TPP1: variants seen among roughly 807,000 people sequenced by gnomAD.
TPP1 encodes tripeptidyl peptidase 1, also known as tripeptidyl-peptidase 1.
In TPP1, 43 loss-of-function variants were observed where a neutral mutation model predicts 67.6. The observed-to-expected ratio is 0.64, with a 90% confidence interval of 0.50 to 0.82. The LOEUF is 0.82. Among genes scored for constraint, TPP1 ranks in the 40% least tolerant of loss-of-function variants. The pLI, the probability that TPP1 is intolerant of heterozygous loss-of-function variation, is 0.00. For missense variants in TPP1, 671 were observed against 710.9 expected (o/e 0.94, Z 0.64); for synonymous variants, 272 against 281.5 (o/e 0.97, Z 0.34).
Position 6,617,628 on chromosome 11 carries a change from G to C in TPP1, c.378C>G (p.Ile126Met), listed in dbSNP as rs778429963. The C allele has an allele frequency of 9.9e-6, 16 of 1,614,058 alleles. No homozygotes were observed. Among genetic ancestry groups the C allele is most frequent in the Non-Finnish European group, 1.4e-5 (16 of 1,179,988 alleles). The change falls in exon 4 of 13, where the codon ATC becomes ATG. Residue 126 changes from isoleucine (I) to methionine (M), a missense_variant and splice_region_variant. By Grantham distance (10) the Ile-to-Met change is conservative (BLOSUM62 1). Coordinates refer to ENST00000299427, the MANE Select transcript of TPP1 (RefSeq NM_000391.4). Reference sequence around the variant, plus strand: ...ATGGAGCAATCATTTCCTCTCACCGGATGCTCAGCCAGCAAGTCAGAAAGT... The same window carrying C: ...ATGGAGCAATCATTTCCTCTCACCGCATGCTCAGCCAGCAAGTCAGAAAGT... ...TQDFLTCWLSIRQAELLLPGA... is the reference protein window; with the variant it reads ...TQDFLTCWLSMRQAELLLPGA...
At chr11:6,616,572 C>T in intron 7 of TPP1, 69 bp from the exon 8 acceptor site, 1 of 1,601,756 alleles carries the variant, frequency 6.2e-7, no homozygotes, top group Non-Finnish European at 8.5e-7. Context: ...GTCAGGATCT[C>T]TCTCCAGCTT....
Position 6,614,679 on chromosome 11 carries a change from C to T in TPP1, c.1559G>A (p.Arg520His), listed in dbSNP as rs368697480. The T allele has an allele frequency of 3.0e-5, 49 of 1,613,998 alleles. No homozygotes were observed. Among genetic ancestry groups the T allele is most frequent in the Middle Eastern group, 1.6e-4 (1 of 6,084 alleles). The part of the protein sequence containing the change: ...QHGAGLFDVT[R>H]GCHESCLDEE... ...ATCCAGACAGGACTCATGGCAGCCACGGGTTACCTAGGGAGGAGGCTGGCA... is the reference window on the plus strand; with the variant it reads ...ATCCAGACAGGACTCATGGCAGCCATGGGTTACCTAGGGAGGAGGCTGGCA... The change falls in exon 13 of 13, where the codon CGT (arginine) becomes CAT (histidine). Residue 520 changes from arginine (R) to histidine (H), a missense_variant. By Grantham distance (29) the Arg-to-His change is conservative. Transcript: ENST00000299427.
intron 12 of TPP1, 37 bp downstream of exon 12, chr11:6,614,829 G>A (rs767087274): frequency 5.2e-5 from 84 of 1,613,780 alleles, no homozygotes; most frequent in Non-Finnish European, 6.9e-5. Flanking sequence ...CCCCATAGTT[G>A]TTTGAAAACG....
In TPP1 at chr11:6,617,172, C is replaced by T; in HGVS notation, c.509-19G>A. 6.2e-7 allele frequency: 1 copy of T among 1,614,000 alleles called. No individual in the cohort carries two copies. Among genetic ancestry groups the T allele is most frequent in the Non-Finnish European group, 8.5e-7 (1 of 1,179,972 alleles). The stretch of plus-strand genomic sequence containing the variant: ...CCCCCCACTGTAGGGAGAAGTCAGG[C>T]TTGAGGAGATCTTATAGACTGTAAT... On this transcript the variant is annotated intron_variant, in intron 5 of 12. Transcript: ENST00000299427.
At position 6,616,410 on chromosome 11, in the gene TPP1, T is replaced by C; in HGVS notation, c.980A>G (p.Asp327Gly). The change falls in exon 8 of 13, where the codon GAT becomes GGT. Residue 327 changes from aspartate to glycine, a missense_variant. Physicochemically the swap from Asp to Gly is moderately conservative, Grantham distance 94. Transcript: ENST00000299427. ...LPHVHTVSYG[D>G]DEDSLSSAYI... is the part of the protein sequence containing the mutation. ...GGCGCTGCTGAGGGAGTCCTCATCATCTCCATAGCTCACAGTATGCACATG... is the reference window on the plus strand; with the variant it reads ...GGCGCTGCTGAGGGAGTCCTCATCACCTCCATAGCTCACAGTATGCACATG... 1 of 1,613,792 alleles carries C rather than the reference T, an allele frequency of 6.2e-7. No individual in the cohort carries two copies. The highest frequency in any genetic ancestry group is 8.5e-7 in the Non-Finnish European group (1 of 1,179,956).
chr11:6,615,584 T>G (rs1264759342), intron 9 of TPP1, 22 bp from the exon 10 acceptor site: 1 of 1,613,894 alleles, frequency 6.2e-7, no homozygotes, highest in South Asian at 1.1e-5. Flanking sequence ...AGACAGCATT[T>G]GGATAGTAGG....
chr11:6,615,990 G>C lies in TPP1; in HGVS notation c.1145+15C>G. ...AGGTGGTGGTTATACCTGAGTGGTA[G>C]GCTAGAGTACTTACCTGGAGGCAGG... On this transcript the variant is annotated intron_variant, in intron 9 of 12. Coordinates refer to ENST00000299427, the MANE Select transcript of TPP1 (RefSeq NM_000391.4). 1 of 1,613,986 alleles carries C rather than the reference G, an allele frequency of 6.2e-7. No individual in the cohort carries two copies.
intron 3 of TPP1, 138 bp downstream of exon 3, chr11:6,618,638 A>G (rs1855620719): frequency 8.2e-7 from 1 of 1,225,374 alleles, no homozygotes; most frequent in Non-Finnish European, 1.2e-6. Flanking sequence ...TGTATACTGA[A>G]CCACATCCCC....
intron 9 of TPP1, 41 bp from the exon 10 acceptor site, chr11:6,615,603 G>T: frequency 6.2e-7 from 1 of 1,613,398 alleles, no homozygotes; most frequent in South Asian, 1.1e-5. Flanking sequence ...GGGGACCCAA[G>T]GGGACCTCCA....
chr11:6,618,863 T>G lies in TPP1; in HGVS notation c.142A>C (p.Ser48Arg), dbSNP rs201847207. 23 of 1,614,042 alleles carry G rather than the reference T, an allele frequency of 1.4e-5. No homozygotes were observed. Among genetic ancestry groups the G allele is most frequent in the Middle Eastern group, 1.6e-4 (1 of 6,062 alleles). Residue 48 changes from serine to arginine, a missense_variant, in exon 3 of 13, where the codon AGT becomes CGT. Coordinates refer to ENST00000299427, the MANE Select transcript of TPP1 (RefSeq NM_000391.4). ...LGRADPEEEL[S>R]LTFALRQQNV... ...TGCTGTCTCAGGGCAAAGGTGAGACTCAGCTCTTCCTCAGGGTCCGCACGG... is the reference window on the plus strand; with the variant it reads ...TGCTGTCTCAGGGCAAAGGTGAGACGCAGCTCTTCCTCAGGGTCCGCACGG...
Position 6,616,028 on chromosome 11 carries a change from G to T in TPP1, c.1122C>A (p.Phe374Leu). 1.2e-6 allele frequency: 2 copies of T among 1,614,200 alleles called. No individual in the cohort carries two copies. The highest frequency in any genetic ancestry group is 1.7e-6 in the Non-Finnish European group (2 of 1,180,042). ...GCWSVSGRHQ[F>L]RPTFPASSPY... ...ACCTGGAGGCAGGGAAGGTAGGGCG[G>T]AACTGGTGTCTTCCAGAGACAGACC... Residue 374 changes from phenylalanine (F) to leucine (L), a missense_variant, in exon 9 of 13, where the codon TTC becomes TTA. By Grantham distance (22) the Phe-to-Leu change is conservative (BLOSUM62 0). Transcript: ENST00000299427.
In TPP1 at chr11:6,616,506, GGA is replaced by G; in HGVS notation, c.887-5_887-4del. 2 of 1,518,884 alleles carry G rather than the reference GGA, an allele frequency of 1.3e-6. No individual in the cohort carries two copies. Among genetic ancestry groups the G allele is most frequent in the Admixed American group, 2.2e-5 (1 of 45,962 alleles). 94.1% of individuals were successfully genotyped at this position (1,518,884 alleles called of 1,614,324 possible). A position where few individuals can be genotyped will look rare whatever the true frequency, so the allele number is the denominator to read the frequency against. Reference sequence around the variant, plus strand: ...GGGCTCCTGTCCCTCATGCCGGCCTGGATTTTTTTTTTTTTTTTTTTTGAGGG... The same window carrying G: ...GGGCTCCTGTCCCTCATGCCGGCCTGTTTTTTTTTTTTTTTTTTTTGAGGG... On this transcript the variant is annotated splice_region_variant and splice_polypyrimidine_tract_variant and intron_variant, in intron 7 of 12. Transcript: ENST00000299427.
Position 6,616,041 on chromosome 11 carries a change from C to G in TPP1, c.1109G>C (p.Gly370Ala). ...GAAGGTAGGGCGGAACTGGTGTCTT[C>G]CAGAGACAGACCAACACCCGGCCCC... ...DSGAGCWSVSGRHQFRPTFPA... is the reference protein window; with the variant it reads ...DSGAGCWSVSARHQFRPTFPA... The change falls in exon 9 of 13, where the codon GGA becomes GCA. Residue 370 changes from glycine to alanine, a missense_variant. Coordinates refer to ENST00000299427, the MANE Select transcript of TPP1 (RefSeq NM_000391.4). 6.2e-7 allele frequency: 1 copy of G among 1,614,170 alleles called. No individual in the cohort carries two copies. The highest frequency in any genetic ancestry group is 8.5e-7 in the Non-Finnish European group (1 of 1,180,016).
intron 3 of TPP1, 164 bp from the exon 4 acceptor site, chr11:6,617,940 G>A: frequency 1.1e-6 from 1 of 931,286 alleles, no homozygotes; most frequent in Middle Eastern, 2.2e-4. Context: ...AGGAAGAAAA[G>A]GCTGGAGAGA....
Position 6,616,994 on chromosome 11 carries a change from T to C in TPP1, c.668A>G (p.Asn223Ser), listed in dbSNP as rs538565229. Residue 223 changes from asparagine to serine, a missense_variant, in exon 6 of 13, where the codon AAC (asparagine) becomes AGC (serine). By Grantham distance (46) the Asn-to-Ser change is conservative (BLOSUM62 1). Transcript: ENST00000299427. ...GCTCACCTGGGCACAGGCTTGGCTG[T>C]TATTGCTGGTGCCAGAGCCCACGTC... ...SQDVGSGTSN[N>S]SQACAQFLEQ... The C allele has an allele frequency of 6.2e-7, 1 of 1,614,116 alleles. No homozygotes were observed. Among genetic ancestry groups the C allele is most frequent in the Admixed American group, 1.7e-5 (1 of 60,024 alleles).
chr11:6,619,394 G>A lies in TPP1; in HGVS notation c.7C>T (p.Leu3Phe). The A allele has an allele frequency of 6.2e-7, 1 of 1,614,216 alleles. No homozygotes were observed. The highest frequency in any genetic ancestry group is 8.5e-7 in the Non-Finnish European group (1 of 1,180,038). The change falls in exon 1 of 13, where the codon CTC becomes TTC. Residue 3 changes from leucine to phenylalanine, a missense_variant. Transcript: ENST00000299427. MG[L>F]QACLLGLFAL... ...CTCTCAATTTCTCACCAGGCTTGGA[G>A]TCCCATTCTGCCCTTCCGCGGATCT...
At position 6,615,519 on chromosome 11, in the gene TPP1, A is replaced by G. The variant is rs763241128; in HGVS notation, c.1189T>C (p.Phe397Leu). The part of the protein sequence containing the change: ...TVGGTSFQEP[F>L]LITNEIVDYI... ...TCAACAATTTCATTTGTGATGAGGA[A>G]AGGTTCCTGGAAGGATGTGCCTCCC... Residue 397 changes from phenylalanine to leucine, a missense_variant, in exon 10 of 13, where the codon TTC (phenylalanine) becomes CTC (leucine). Physicochemically the swap from Phe to Leu is conservative, Grantham distance 22 (BLOSUM62 0). Coordinates refer to ENST00000299427, the MANE Select transcript of TPP1 (RefSeq NM_000391.4). 2 of 1,614,162 alleles carry G rather than the reference A, an allele frequency of 1.2e-6. No individual in the cohort carries two copies. Among genetic ancestry groups the G allele is most frequent in the Non-Finnish European group, 1.7e-6 (2 of 1,180,032 alleles).
At chr11:6,617,193 G>A (rs1426049634) in intron 5 of TPP1, 40 bp from the exon 6 acceptor site, 4 of 1,613,790 alleles carry the variant, frequency 2.5e-6, no homozygotes, top group African/African-American at 1.3e-5. Flanking sequence ...CTTATAGACT[G>A]TAATGCCCAC....
chr11:6,614,670 T>C lies in TPP1; in HGVS notation c.1568A>G (p.His523Arg). The change falls in exon 13 of 13, where the codon CAT (histidine) becomes CGT (arginine). Residue 523 changes from histidine (H) to arginine (R), a missense_variant. His to Arg is a conservative substitution (Grantham distance 29). Transcript: ENST00000299427. ...AGLFDVTRGC[H>R]ESCLDEEVEG... ...TACCTCTTCATCCAGACAGGACTCA[T>C]GGCAGCCACGGGTTACCTAGGGAGG... 1.9e-6 allele frequency: 3 copies of C among 1,614,134 alleles called. No individual in the cohort carries two copies. The highest frequency in any genetic ancestry group is 2.5e-6 in the Non-Finnish European group (3 of 1,180,018).
Sources: allele counts gnomAD v4.1 joint callset, GRCh38; gene constraint gnomAD v4.1.1; transcripts MANE v1.5; gene names NCBI Gene and HGNC (gene_info 2026-07-23, HGNC 2026-07-21).